FAM3B: variants seen among roughly 807,000 people sequenced by gnomAD.
FAM3B encodes FAM3 metabolism regulating signaling molecule B.
In FAM3B, 29 loss-of-function variants were observed where a neutral mutation model predicts 28.4. The observed-to-expected ratio is 1.02, with a 90% confidence interval of 0.76 to 1.39. The LOEUF is 1.39. Ranked by LOEUF, FAM3B falls within the 40% of genes most tolerant of loss-of-function variation. FAM3B has a pLI of 0.00. For synonymous variants in FAM3B, 91 were observed against 103.0 expected (o/e 0.88, Z 0.71); for missense variants, 266 against 293.9 (o/e 0.91, Z 0.69).
intron 1 of FAM3B, 79 bp from the exon 2 acceptor site, chr21:41,322,844 C>T: frequency 6.2e-7 from 1 of 1,611,120 alleles, no homozygotes; most frequent in Non-Finnish European, 8.5e-7. Context: ...GATGAAAAGC[C>T]ACAGGGGGGA....
At chr21:41,345,298 G>A (rs2089046274) in intron 4 of FAM3B, among the ~76,000 whole-genome samples, 1 of 146,606 alleles carries the variant, frequency 6.8e-6, no homozygotes, top group Non-Finnish European at 1.5e-5. Flanking sequence ...CCTGGCTGAG[G>A]GGGCTCTGGT....
In FAM3B at chr21:41,311,269, TATATATATATATATATA is replaced by T. The variant is rs2088712126; in HGVS notation, n.99+6960_99+6976del. 3.6e-5 allele frequency among the ~76,000 whole-genome samples: 2 copies of T among 56,064 alleles called. 1 individual carries two copies. Among genetic ancestry groups the T allele is most frequent in the Non-Finnish European group, 6.4e-5 (2 of 31,404 alleles). 36.8% of individuals were successfully genotyped at this position (56,064 alleles called of 152,430 possible). A position where few individuals can be genotyped will look rare whatever the true frequency, so the allele number is the denominator to read the frequency against. ...AAAAAAAAATATATATATATATATA[TATATATATATATATATA>T]TATATATATATGTATATATACAAAA... On this transcript the variant is annotated intron_variant and non_coding_transcript_variant, in intron 1 of 9. Transcript: ENST00000479810.
chr21:41,351,354 C>T (rs936578797), intron 7 of FAM3B, among the ~76,000 whole-genome samples: 2 of 152,146 alleles, frequency 1.3e-5, no homozygotes, highest in African/African-American at 2.4e-5. Flanking sequence ...CTGTTTTGCC[C>T]ACCTGTGTCA....
At position 41,310,171 on chromosome 21, in the gene FAM3B, G is replaced by A. The variant is rs76645254; in HGVS notation, n.99+5861G>A. ...TTCTCTTGCTCCAGGAGAAGCCTGCGGTCTCTCCACTGTCCTGCCAGTCAT... is the reference window on the plus strand; with the variant it reads ...TTCTCTTGCTCCAGGAGAAGCCTGCAGTCTCTCCACTGTCCTGCCAGTCAT... On this transcript the variant is annotated intron_variant and non_coding_transcript_variant, in intron 1 of 9. Coordinates refer to the FAM3B transcript ENST00000479810. Among the ~76,000 whole-genome samples the A allele has an allele frequency of 1.5e-3, 235 of 152,114 alleles. 2 individuals are homozygous for A. The East Asian group carries it at 0.021, about 14-fold the overall frequency.
chr21:41,347,749 C>CAA (rs60227162), intron 6 of FAM3B, among the ~76,000 whole-genome samples: 2,156 of 85,474 alleles, frequency 0.025, 38 homozygotes, highest in East Asian at 0.12. Flanking sequence ...GAGACTGTCT[C>CAA]AAAAAAAAAA....
chr21:41,355,165 A>G (rs2089154638), intron 7 of FAM3B, among the ~76,000 whole-genome samples: 1 of 152,234 alleles, frequency 6.6e-6, no homozygotes, highest in South Asian at 2.1e-4. Context: ...TTAAAAAGAC[A>G]TAAGAAGAAG....
At chr21:41,313,023 A>G (rs1178637957), upstream of FAM3B, among the ~76,000 whole-genome samples, 2 of 152,162 alleles carry the variant, frequency 1.3e-5, no homozygotes, top group African/African-American at 2.4e-5. Flanking sequence ...GTCCTTCTGA[A>G]GGAGGTGGGA....
At position 41,347,123 on chromosome 21, in the gene FAM3B, C is replaced by G. The variant is rs768017285; in HGVS notation, c.485+23C>G. ...AAGGTGAGTGGGTGTAGGTCTGTCA[C>G]AGCGGTGGGCAAGAGAAGCCAGCTG... is the stretch of plus-strand genomic sequence containing the variant. On this transcript the variant is annotated intron_variant, in intron 6 of 7. Transcript: ENST00000357985. 4 of 1,609,042 alleles carry G rather than the reference C, an allele frequency of 2.5e-6. No homozygotes were observed. In the Admixed American group the frequency reaches 6.7e-5, roughly 27 times the overall value.
At position 41,348,678 on chromosome 21, in the gene FAM3B, T is replaced by G; in HGVS notation, c.572T>G (p.Ile191Ser). 6.2e-7 allele frequency: 1 copy of G among 1,614,218 alleles called. No homozygotes were observed. Among genetic ancestry groups the G allele is most frequent in the Non-Finnish European group, 8.5e-7 (1 of 1,180,034 alleles). Reference protein sequence around the residue: ...NMKFRSSWVFIAAKGLELPSE... With the variant: ...NMKFRSSWVFSAAKGLELPSE... ...AAATTCAGGTCTAGCTGGGTATTTA[T>G]TGCAGCAAAAGGCTTGGAACTCCCT... is the stretch of plus-strand genomic sequence containing the variant. Residue 191 changes from isoleucine to serine, a missense_variant, in exon 7 of 8, where the codon ATT becomes AGT. Coordinates refer to ENST00000357985, the MANE Select transcript of FAM3B (RefSeq NM_058186.4).
upstream of FAM3B, among the ~76,000 whole-genome samples, chr21:41,316,200 A>G (rs1273402174): frequency 1.3e-5 from 2 of 152,224 alleles, no homozygotes; most frequent in African/African-American, 4.8e-5. Flanking sequence ...CTCCTTGGTC[A>G]TCATATCATA....
chr21:41,356,040 T>TACACACACACACACACACAC, intron 7 of FAM3B, among the ~76,000 whole-genome samples: 1 of 119,970 alleles, frequency 8.3e-6, no homozygotes, highest in South Asian at 2.7e-4. Context: ...AAAAAATACA[T>TACACACACACACACACACAC]ACACACACAC....
At chr21:41,356,034 A>AATAC (rs3138689) in intron 7 of FAM3B, among the ~76,000 whole-genome samples, 2,422 of 134,042 alleles carry the variant, frequency 0.018, 52 homozygotes, top group African/African-American at 0.07. Flanking sequence ...CTGGGAAAAA[A>AATAC]ATACATACAC....
At chr21:41,342,795 C>T (rs1162273439) in intron 3 of FAM3B, among the ~76,000 whole-genome samples, 4 of 152,122 alleles carry the variant, frequency 2.6e-5, no homozygotes, top group African/African-American at 9.7e-5. Context: ...ATTTAGAGTG[C>T]CTGTGAGTCT....
Position 41,345,872 on chromosome 21 carries a change from G to C in FAM3B, c.397+136G>C, listed in dbSNP as rs529230843. On this transcript the variant is annotated intron_variant, in intron 5 of 7. Transcript: ENST00000357985. ...CAGCAGCTCTCCTGAGTAATCTAGA[G>C]TGGTCTTATGTAGATCCTCTTAAAC... 5 of 651,296 alleles carry C rather than the reference G, an allele frequency of 7.7e-6. 1 individual carries two copies. In the South Asian group the frequency reaches 8.3e-5, roughly 11 times the overall value. 40.3% of individuals were successfully genotyped at this position (651,296 alleles called of 1,614,324 possible).
Position 41,327,394 on chromosome 21 carries a change from G to A in FAM3B, c.163+4328G>A, listed in dbSNP as rs546441928. ...GCTTTTGAGGCTTATTGACCAGAAC[G>A]TGTGACTTGCACAGGAGCCAGAATC... On this transcript the variant is annotated intron_variant, in intron 2 of 7. Transcript: ENST00000357985. 6.6e-5 allele frequency among the ~76,000 whole-genome samples: 10 copies of A among 152,310 alleles called. No individual in the cohort carries two copies. In the South Asian group the frequency reaches 1.4e-3, roughly 22 times the overall value.
chr21:41,329,243 T>C (rs1239075263), intron 2 of FAM3B, among the ~76,000 whole-genome samples: 1 of 152,236 alleles, frequency 6.6e-6, no homozygotes, highest in Non-Finnish European at 1.5e-5. Context: ...AGTCCAAATA[T>C]ACTAAATGGA....
At chr21:41,331,581 A>G (rs1242962505) in intron 2 of FAM3B, among the ~76,000 whole-genome samples, 1 of 152,136 alleles carries the variant, frequency 6.6e-6, no homozygotes, top group Non-Finnish European at 1.5e-5. Flanking sequence ...TTTATGGTTA[A>G]GTCATTAATT....
At chr21:41,322,262 CAA>C (rs1429817736) in intron 1 of FAM3B, among the ~76,000 whole-genome samples, 4 of 152,296 alleles carry the variant, frequency 2.6e-5, no homozygotes, top group African/African-American at 9.6e-5. Flanking sequence ...TCATGTCAAA[CAA>C]GAGAAGTAAG....
chr21:41,335,954 G>T (rs1239181016), intron 2 of FAM3B, among the ~76,000 whole-genome samples: 2 of 152,142 alleles, frequency 1.3e-5, no homozygotes, highest in Non-Finnish European at 2.9e-5. Flanking sequence ...ACCCAGTGTT[G>T]ATGTCCCACC....
Sources: allele counts gnomAD v4.1 joint callset (sites outside exome capture counted in the v4.1 genomes callset), GRCh38; gene constraint gnomAD v4.1.1; transcripts MANE v1.5; gene names NCBI Gene and HGNC (gene_info 2026-07-23, HGNC 2026-07-21).